Variants in KDM4C observed in about 807,000 individuals in gnomAD.
The protein encoded by KDM4C is lysine demethylase 4C.
A neutral mutation model predicts 129.3 loss-of-function variants in KDM4C; 81 were observed. The observed-to-expected ratio is 0.63, with a 90% CI of 0.52 to 0.75. KDM4C has a LOEUF of 0.75. KDM4C is among the 30% of genes least tolerant of loss of function. The pLI, the probability that KDM4C is intolerant of heterozygous loss-of-function variation, is 0.00. For synonymous variants in KDM4C, 573 were observed against 456.1 expected, an observed-to-expected ratio of 1.26 and a Z score of -3.26; for missense variants, 1,457 against 1,304.0, an observed-to-expected ratio of 1.12 and a Z score of -1.81.
intron 18 of KDM4C, among the ~76,000 whole-genome samples, chr9:7,109,564 C>G (rs1162218532): frequency 3.3e-5 from 5 of 152,166 alleles, no homozygotes; most frequent in African/African-American, 1.2e-4. Flanking sequence ...GGATGTAAGA[C>G]GGGTGGTCAG....
intron 1 of KDM4C, among the ~76,000 whole-genome samples, chr9:6,791,256 C>A (rs983087282): frequency 3.9e-5 from 6 of 152,152 alleles, no homozygotes; most frequent in African/African-American, 1.4e-4. Context: ...GGACTACAGG[C>A]GTGTGCCACC....
chr9:6,860,475 T>C (rs1175461620), intron 5 of KDM4C, among the ~76,000 whole-genome samples: 2 of 152,218 alleles, frequency 1.3e-5, no homozygotes. Context: ...AAGTGTACTT[T>C]ATCTGTCTAA....
chr9:6,835,509 G>A (rs781253200), intron 4 of KDM4C: 82 of 1,515,128 alleles, frequency 5.4e-5, no homozygotes, highest in Non-Finnish European at 7.2e-5. Flanking sequence ...CCACCTTCCA[G>A]CAGATGTGGA....
Position 6,758,141 on chromosome 9 carries a change from G to C in KDM4C, c.-80G>C. On this transcript the variant is annotated 5_prime_UTR_variant, in exon 1 of 22. Transcript: ENST00000381309. The surrounding 1 kb of genome is among the most constrained non-coding windows in gnomAD (Gnocchi z 4.6). The stretch of plus-strand genomic sequence containing the variant: ...CAAATTTCCCAAATCTCCCTGGGCC[G>C]GAGGCCACTGTCTTCTCTTCCTCCT... 1 of 985,654 alleles carries C rather than the reference G, an allele frequency of 1.0e-6. No homozygotes were observed. The highest frequency in any genetic ancestry group is 1.2e-6 in the Non-Finnish European group (1 of 830,120). 61.1% of individuals were successfully genotyped at this position (985,654 alleles called of 1,614,324 possible). A position where few individuals can be genotyped will look rare whatever the true frequency, so the allele number is the denominator to read the frequency against.
At chr9:6,959,887 C>G (rs1302582260) in intron 8 of KDM4C, among the ~76,000 whole-genome samples, 1 of 151,986 alleles carries the variant, frequency 6.6e-6, no homozygotes, top group South Asian at 2.1e-4. Context: ...AAAGCCTGAC[C>G]TAAGATTATG....
intron 8 of KDM4C, among the ~76,000 whole-genome samples, chr9:6,917,588 T>A (rs1474704500): frequency 6.6e-6 from 1 of 152,204 alleles, no homozygotes; most frequent in Non-Finnish European, 1.5e-5. Flanking sequence ...GCCATCCCAT[T>A]TCCTATCCCT....
chr9:6,942,448 G>A (rs1407810613), intron 8 of KDM4C: 4 of 145,168 alleles, frequency 2.8e-5, no homozygotes, highest in African/African-American at 5.1e-5. Context: ...TTTGTGTTTT[G>A]TTTCTTTCCA....
At chr9:6,848,473 C>T (rs1054958434) in intron 4 of KDM4C, among the ~76,000 whole-genome samples, 3 of 152,030 alleles carry the variant, frequency 2.0e-5, no homozygotes, top group Non-Finnish European at 4.4e-5. Flanking sequence ...TCGAGACCAG[C>T]CTAGGCAACA....
chr9:6,877,693 G>C (rs1391184795), intron 5 of KDM4C, among the ~76,000 whole-genome samples: 1 of 152,198 alleles, frequency 6.6e-6, no homozygotes, highest in African/African-American at 2.4e-5. Context: ...GCTGAGTGGG[G>C]TAGTGCTCTG....
At chr9:6,736,261 A>G (rs1817524531) in intron 1 of KDM4C, among the ~76,000 whole-genome samples, 1 of 152,204 alleles carries the variant, frequency 6.6e-6, no homozygotes. Context: ...TCATTTTCTG[A>G]GGAGAAACTC....
At chr9:6,866,997 GTGTA>G (rs146374178) in intron 5 of KDM4C, among the ~76,000 whole-genome samples, 878 of 51,580 alleles carry the variant, frequency 0.017, 9 homozygotes, top group South Asian at 0.023. Context: ...GTGTGTGTGT[GTGTA>G]TATATATATA....
chr9:6,961,541 T>TA lies in KDM4C; in HGVS notation c.922-19383dup, dbSNP rs1489499291. On this transcript the variant is annotated intron_variant, in intron 8 of 21. Coordinates refer to ENST00000381309, the MANE Select transcript of KDM4C (RefSeq NM_015061.6). ...TGTAACTATTTCTCATCAGACAGAA[T>TA]ATAGTATTTATACATAGCATAATTC... Among the ~76,000 whole-genome samples, 23 of 152,342 alleles carry TA rather than the reference T, an allele frequency of 1.5e-4. No individual in the cohort carries two copies. In the South Asian group the frequency reaches 2.7e-3, roughly 18 times the overall value.
chr9:6,830,740 C>A (rs1485222375), intron 4 of KDM4C, among the ~76,000 whole-genome samples: 1 of 152,064 alleles, frequency 6.6e-6, no homozygotes, highest in Non-Finnish European at 1.5e-5. Flanking sequence ...AAAATGAGGC[C>A]ACTGGAAGTA....
intron 17 of KDM4C, among the ~76,000 whole-genome samples, chr9:7,074,941 A>G (rs1337103973): frequency 6.6e-6 from 1 of 152,228 alleles, no homozygotes; most frequent in African/African-American, 2.4e-5. Flanking sequence ...AGGATGTCTG[A>G]CAAGATCTCC....
chr9:7,024,369 A>T (rs573631421), intron 15 of KDM4C, among the ~76,000 whole-genome samples: 2 of 146,768 alleles, frequency 1.4e-5, no homozygotes, highest in Non-Finnish European at 3.0e-5. Flanking sequence ...GTTTTAGGGT[A>T]CATGTGCACA....
At chr9:6,879,932 A>T in intron 5 of KDM4C, 80 bp from the exon 6 acceptor site, 1 of 630,106 alleles carries the variant, frequency 1.6e-6, no homozygotes, top group Non-Finnish European at 2.8e-6. Flanking sequence ...TTTATGTGAC[A>T]TTATTTAGGA....
At chr9:6,756,562 C>T (rs1408651799), upstream of KDM4C, among the ~76,000 whole-genome samples, 2 of 152,170 alleles carry the variant, frequency 1.3e-5, no homozygotes, top group African/African-American at 4.8e-5. Context: ...ACTGAAAATA[C>T]AAAAATTAGC....
At chr9:6,831,404 G>A (rs1185566760) in intron 4 of KDM4C, among the ~76,000 whole-genome samples, 1 of 151,604 alleles carries the variant, frequency 6.6e-6, no homozygotes, top group African/African-American at 2.4e-5. Flanking sequence ...GCCTCACTCT[G>A]TCGGCCAGGC....
At chr9:7,089,142 A>G (rs1564102267) in intron 17 of KDM4C, among the ~76,000 whole-genome samples, 1 of 152,136 alleles carries the variant, frequency 6.6e-6, no homozygotes, top group East Asian at 1.9e-4. Flanking sequence ...GGAAAGTGCC[A>G]TTTTTTTCTA....
Sources: gnomAD v4.1 joint callset for allele counts (sites outside exome capture counted in the v4.1 genomes callset) on GRCh38, gnomAD v4.1.1 for gene constraint, Gnocchi (gnomAD v3.1) non-coding constraint, MANE v1.5 for transcripts, NCBI Gene and HGNC (gene_info 2026-07-23, HGNC 2026-07-21) for gene names.